GABRB1: variants seen among roughly 807,000 people sequenced by gnomAD.
GABRB1 encodes the protein gamma-aminobutyric acid type A receptor subunit beta1, also known as gamma-aminobutyric acid receptor subunit beta-1.
Under a neutral mutation model 51.6 loss-of-function variants are expected in GABRB1, and 17 were observed. The ratio of observed to expected loss-of-function variants is 0.33; its 90% CI spans 0.23 to 0.49. The LOEUF (loss-of-function observed/expected upper bound fraction) is 0.49, where lower values mean the gene tolerates loss of function less well. Ranked by LOEUF, GABRB1 falls within the 20% of genes least tolerant of loss-of-function variation. The pLI, the probability that GABRB1 is intolerant of heterozygous loss-of-function variation, is 0.99. For missense variants in GABRB1, 410 were observed against 600.6 expected, an observed-to-expected ratio of 0.68 and a Z score of 3.32; for synonymous variants, 247 against 218.9, an observed-to-expected ratio of 1.13 and a Z score of -1.14.
At chr4:47,381,453 A>T (rs1727595861) in intron 5 of GABRB1, among the ~76,000 whole-genome samples, 1 of 152,188 alleles carries the variant, frequency 6.6e-6, no homozygotes, top group South Asian at 2.1e-4. Flanking sequence ...TCTTTCAGGA[A>T]CACTGGTTCT....
At chr4:47,259,584 A>G (rs1257524240) in intron 4 of GABRB1, among the ~76,000 whole-genome samples, 2 of 152,160 alleles carry the variant, frequency 1.3e-5, no homozygotes, top group East Asian at 1.9e-4. Flanking sequence ...CAAAATAGGC[A>G]TTATTAACAA....
intron 5 of GABRB1, among the ~76,000 whole-genome samples, chr4:47,332,809 A>C (rs2109977086): frequency 6.6e-6 from 1 of 152,238 alleles, no homozygotes; most frequent in Non-Finnish European, 1.5e-5. Flanking sequence ...AGAAACATAG[A>C]AATGAAATAA....
At chr4:47,055,948 A>T (rs755710142) in intron 3 of GABRB1, among the ~76,000 whole-genome samples, 32 of 152,240 alleles carry the variant, frequency 2.1e-4, no homozygotes, top group Non-Finnish European at 4.3e-4. Context: ...AGGCTTATGT[A>T]CAATAATGTG....
intron 4 of GABRB1, among the ~76,000 whole-genome samples, chr4:47,314,286 A>G (rs1393788569): frequency 1.3e-5 from 2 of 152,098 alleles, no homozygotes; most frequent in Non-Finnish European, 2.9e-5. Context: ...TATGCTTCCT[A>G]AAAGTTGGGT....
chr4:47,000,126 C>T lies in GABRB1; in HGVS notation c.-20+6200C>T, dbSNP rs181922022. Among the ~76,000 whole-genome samples the T allele has an allele frequency of 2.0e-5, 3 of 152,228 alleles. No individual in the cohort carries two copies. The East Asian group carries it at 5.8e-4, about 29-fold the overall frequency. On this transcript the variant is annotated intron_variant, in intron 1 of 3. Coordinates refer to the GABRB1 transcript ENST00000513567. ...TATTGGCTTCTAGTGCATCAGGGAG[C>T]AAACCACTTTCTCTCAATAATGATA...
intron 3 of GABRB1, among the ~76,000 whole-genome samples, chr4:47,107,549 T>A (rs1715019885): frequency 6.6e-6 from 1 of 152,132 alleles, no homozygotes; most frequent in Non-Finnish European, 1.5e-5. Flanking sequence ...TCTATATGTG[T>A]GACACTGGGA....
chr4:47,018,617 A>G (rs930217700), intron 1 of GABRB1, among the ~76,000 whole-genome samples: 1 of 152,194 alleles, frequency 6.6e-6, no homozygotes, highest in African/African-American at 2.4e-5. Context: ...TACTGATAAC[A>G]CAAGCAGTTG....
intron 3 of GABRB1, among the ~76,000 whole-genome samples, chr4:47,049,753 G>T (rs1199930470): frequency 1.3e-5 from 2 of 152,132 alleles, no homozygotes; most frequent in Non-Finnish European, 2.9e-5. Context: ...AAACAAAAGG[G>T]TTTACTGCAG....
At chr4:47,365,231 T>C (rs1359118533) in intron 5 of GABRB1, among the ~76,000 whole-genome samples, 1 of 152,198 alleles carries the variant, frequency 6.6e-6, no homozygotes, top group East Asian at 1.9e-4. Flanking sequence ...ACTGCTACAA[T>C]TAAGAGACAC....
chr4:47,212,704 G>A (rs971161984), intron 4 of GABRB1, among the ~76,000 whole-genome samples: 1 of 151,910 alleles, frequency 6.6e-6, no homozygotes. Context: ...AAAGAAGACA[G>A]CCAACCCCCT....
intron 3 of GABRB1, among the ~76,000 whole-genome samples, chr4:47,155,511 C>T (rs1717648987): frequency 6.6e-6 from 1 of 152,030 alleles, no homozygotes; most frequent in South Asian, 2.1e-4. Flanking sequence ...AGTGGATGCT[C>T]TATTACTAGA....
chr4:47,023,422 AT>A lies in GABRB1; in HGVS notation c.-19-8486del, dbSNP rs1316377635. On this transcript the variant is annotated intron_variant, in intron 1 of 3. Transcript: ENST00000513567. ...TTTCTTTATAAAGTTTTATCTTTCTATTTTTTGTTTTTTGGTTATGTGTGTT... is the reference window on the plus strand; with the variant it reads ...TTTCTTTATAAAGTTTTATCTTTCTATTTTTGTTTTTTGGTTATGTGTGTT... 5.3e-5 allele frequency among the ~76,000 whole-genome samples: 8 copies of A among 151,774 alleles called. No homozygotes were observed. In the South Asian group the frequency reaches 1.7e-3, roughly 31 times the overall value.
chr4:47,158,382 C>T (rs1400937669), intron 3 of GABRB1, among the ~76,000 whole-genome samples: 1 of 152,120 alleles, frequency 6.6e-6, no homozygotes, highest in Middle Eastern at 3.4e-3. Flanking sequence ...CAATGTGTTA[C>T]TTCATATACT....
rs138251293 is a variant in GABRB1, at chr4:47,238,739, A to G, written c.461+77270A>G. ...TGGAATACTTAAGTAAAAAAAATTA[A>G]TAGAATTCCAAAGTATAAAACAACT... On this transcript the variant is annotated intron_variant, in intron 4 of 8. Transcript: ENST00000295454. 1.5e-3 allele frequency among the ~76,000 whole-genome samples: 221 copies of G among 152,350 alleles called. 1 individual carries two copies. Among genetic ancestry groups the G allele is most frequent in the African/African-American group, 5.1e-3 (212 of 41,586 alleles).
chr4:47,030,139 T>C (rs1465745552), upstream of GABRB1, among the ~76,000 whole-genome samples: 4 of 152,182 alleles, frequency 2.6e-5, no homozygotes, highest in Non-Finnish European at 5.9e-5. Context: ...TGTTGAGTCT[T>C]CCCAATTACC....
intron 4 of GABRB1, among the ~76,000 whole-genome samples, chr4:47,207,106 A>G (rs1009324204): frequency 1.3e-5 from 2 of 151,912 alleles, no homozygotes. Context: ...TGAAGAGACT[A>G]TTAGAATTTA....
chr4:47,388,153 A>G (rs1001668843), intron 5 of GABRB1, among the ~76,000 whole-genome samples: 1 of 152,224 alleles, frequency 6.6e-6, no homozygotes, highest in Non-Finnish European at 1.5e-5. Context: ...AAATTAGTAT[A>G]ACATGTTAAC....
At chr4:47,107,147 A>G (rs1047953581) in intron 3 of GABRB1, among the ~76,000 whole-genome samples, 2 of 152,072 alleles carry the variant, frequency 1.3e-5, no homozygotes, top group African/African-American at 4.8e-5. Flanking sequence ...CATTGAATGA[A>G]CCCCACAAAA....
chr4:46,997,898 A>G (rs1560490562), intron 1 of GABRB1, among the ~76,000 whole-genome samples: 1 of 152,206 alleles, frequency 6.6e-6, no homozygotes, highest in Non-Finnish European at 1.5e-5. Flanking sequence ...GAGCTCAGAT[A>G]TCTCTACAAG....
Sources: gnomAD v4.1 joint callset for allele counts (sites outside exome capture counted in the v4.1 genomes callset) on GRCh38, gnomAD v4.1.1 for gene constraint, MANE v1.5 for transcripts, NCBI Gene and HGNC (gene_info 2026-07-23, HGNC 2026-07-21) for gene names.